Variants in DNAJC5B observed in about 807,000 individuals in gnomAD.
The protein encoded by DNAJC5B is DnaJ heat shock protein family (Hsp40) member C5 beta.
A neutral mutation model predicts 24.7 loss-of-function variants in DNAJC5B; 23 were observed. The observed-to-expected ratio is 0.93, with a 90% CI of 0.67 to 1.32. The LOEUF (loss-of-function observed/expected upper bound fraction) is 1.32. Among genes scored for constraint, DNAJC5B ranks in the 40% most tolerant of loss-of-function variants. The pLI is 0.00. For missense variants in DNAJC5B, 238 were observed against 240.8 expected (o/e 0.99, Z 0.08); for synonymous variants, 101 against 90.1 (o/e 1.12, Z -0.68).
chr8:66,017,180 G>A (rs906142426), upstream of DNAJC5B, among the ~76,000 whole-genome samples: 5 of 152,120 alleles, frequency 3.3e-5, no homozygotes, highest in African/African-American at 1.2e-4. Flanking sequence ...AATGACTTGA[G>A]CATTGTGTTT....
chr8:66,037,435 G>GACC (rs1183060375), intron 1 of DNAJC5B, among the ~76,000 whole-genome samples: 7 of 152,152 alleles, frequency 4.6e-5, no homozygotes, highest in African/African-American at 1.7e-4. Context: ...TGGGAGGAGA[G>GACC]ACCACGTGGG....
chr8:66,067,319 C>T (rs573856426), intron 3 of DNAJC5B, among the ~76,000 whole-genome samples: 4 of 151,874 alleles, frequency 2.6e-5, no homozygotes, highest in Non-Finnish European at 4.4e-5. Context: ...AACAGCCCTA[C>T]AGACAAAAGA....
At chr8:66,022,629 A>T (rs1013720388) in intron 1 of DNAJC5B, among the ~76,000 whole-genome samples, 7 of 152,232 alleles carry the variant, frequency 4.6e-5, no homozygotes, top group Non-Finnish European at 7.3e-5. Flanking sequence ...TCCACAGGAC[A>T]CAACTCTAAC....
At chr8:66,055,811 G>T (rs539806528) in intron 3 of DNAJC5B, among the ~76,000 whole-genome samples, 2 of 152,230 alleles carry the variant, frequency 1.3e-5, no homozygotes, top group East Asian at 3.9e-4. Flanking sequence ...GCGTGGTGAC[G>T]CATGCCTGTA....
At chr8:66,064,622 T>C (rs567093135) in intron 3 of DNAJC5B, among the ~76,000 whole-genome samples, 1 of 152,228 alleles carries the variant, frequency 6.6e-6, no homozygotes, top group Non-Finnish European at 1.5e-5. Flanking sequence ...GCCCAGAAAC[T>C]TTTATTGGGA....
intron 4 of DNAJC5B, 94 bp downstream of exon 4, chr8:66,076,967 G>T (rs914708377): frequency 4.3e-5 from 56 of 1,300,144 alleles, no homozygotes; most frequent in Non-Finnish European, 3.3e-6. Context: ...TAACCTTCCT[G>T]CTATTAAACT....
intron 5 of DNAJC5B, among the ~76,000 whole-genome samples, chr8:66,098,330 A>T (rs1224393300): frequency 1.3e-5 from 2 of 152,048 alleles, no homozygotes; most frequent in Non-Finnish European, 2.9e-5. Flanking sequence ...CAGCCTCCTG[A>T]ATACTGGGAC....
At chr8:66,057,932 G>C (rs778354045) in intron 3 of DNAJC5B, 1 of 152,202 alleles carries the variant, frequency 6.6e-6, no homozygotes, top group Non-Finnish European at 1.5e-5. Flanking sequence ...GAAGTTCTTC[G>C]AAAGAAAGGA....
At chr8:66,071,639 T>C (rs1371138330) in intron 3 of DNAJC5B, among the ~76,000 whole-genome samples, 1 of 152,228 alleles carries the variant, frequency 6.6e-6, no homozygotes, top group Non-Finnish European at 1.5e-5. Flanking sequence ...AAAGATAGTG[T>C]GGCGATTCCT....
At chr8:66,037,239 C>T (rs1353241974) in intron 1 of DNAJC5B, among the ~76,000 whole-genome samples, 1 of 152,102 alleles carries the variant, frequency 6.6e-6, no homozygotes, top group East Asian at 1.9e-4. Flanking sequence ...CCACTGATGC[C>T]CTCTGGTAGC....
intron 1 of DNAJC5B, among the ~76,000 whole-genome samples, chr8:66,040,028 G>A (rs926795956): frequency 2.0e-5 from 3 of 152,242 alleles, no homozygotes; most frequent in Non-Finnish European, 2.9e-5. Flanking sequence ...TTTCATAAAA[G>A]TTCTAAGAGA....
intron 3 of DNAJC5B, among the ~76,000 whole-genome samples, chr8:66,069,571 C>A (rs1807300239): frequency 1.3e-5 from 2 of 152,160 alleles, no homozygotes; most frequent in Non-Finnish European, 2.9e-5. Flanking sequence ...TAATTAATAG[C>A]CTACTAACCA....
chr8:66,040,634 C>T (rs959713658), intron 1 of DNAJC5B, among the ~76,000 whole-genome samples: 4 of 152,014 alleles, frequency 2.6e-5, no homozygotes, highest in Admixed American at 1.3e-4. Flanking sequence ...GGGTAAACAG[C>T]GGCTCTCGAT....
At chr8:66,036,704 G>A (rs1485014142) in intron 1 of DNAJC5B, among the ~76,000 whole-genome samples, 1 of 152,180 alleles carries the variant, frequency 6.6e-6, no homozygotes, top group Non-Finnish European at 1.5e-5. Flanking sequence ...ATACTGAATG[G>A]TGGGTCGGCC....
At chr8:66,067,313 G>A (rs1331137911) in intron 3 of DNAJC5B, among the ~76,000 whole-genome samples, 1 of 151,764 alleles carries the variant, frequency 6.6e-6, no homozygotes, top group African/African-American at 2.4e-5. Context: ...TTAAAAAACA[G>A]CCCTACAGAC....
chr8:66,080,672 C>A (rs1001368619), intron 5 of DNAJC5B, 124 bp downstream of exon 5: 2 of 780,912 alleles, frequency 2.6e-6, no homozygotes, highest in Admixed American at 3.1e-5. Context: ...TGGAACTTCA[C>A]AGACTGTCAG....
intron 1 of DNAJC5B, among the ~76,000 whole-genome samples, chr8:66,039,186 G>T (rs923716384): frequency 2.6e-4 from 40 of 152,198 alleles, no homozygotes; most frequent in African/African-American, 9.4e-4. Context: ...CTGAAGCAAA[G>T]CTCCGTAATG....
intron 1 of DNAJC5B, among the ~76,000 whole-genome samples, chr8:66,033,182 C>T (rs756975061): frequency 3.9e-5 from 6 of 152,228 alleles, no homozygotes; most frequent in Non-Finnish European, 7.3e-5. Flanking sequence ...GGTGGCCTTG[C>T]AGGAAGGCAC....
intron 3 of DNAJC5B, among the ~76,000 whole-genome samples, chr8:66,061,060 G>A (rs1807070393): frequency 1.3e-5 from 2 of 152,172 alleles, no homozygotes; most frequent in South Asian, 4.1e-4. Context: ...TCTTTGAGAT[G>A]TTCACATAAA....
Sources: allele counts gnomAD v4.1 joint callset (sites outside exome capture counted in the v4.1 genomes callset), GRCh38; gene constraint gnomAD v4.1.1; transcripts MANE v1.5; gene names NCBI Gene and HGNC (gene_info 2026-07-23, HGNC 2026-07-21).